Variants in TRPM7 observed in about 807,000 individuals in gnomAD.
TRPM7 encodes the protein LTRPC ion channel family member 7.
Under a neutral mutation model 229.7 loss-of-function variants are expected in TRPM7, and 134 were observed. That is an observed-to-expected ratio of 0.58 (90% CI 0.51 to 0.67). TRPM7 has a LOEUF of 0.67. TRPM7 is among the 30% of genes least tolerant of loss of function. The pLI is 0.00. For synonymous variants in TRPM7, 699 were observed against 715.2 expected (o/e 0.98, Z 0.36); for missense variants, 1,901 against 2,210.0 (o/e 0.86, Z 2.80).
intron 19 of TRPM7, among the ~76,000 whole-genome samples, chr15:50,608,472 G>C (rs905698776): frequency 6.6e-6 from 1 of 152,200 alleles, no homozygotes; most frequent in Non-Finnish European, 1.5e-5. Flanking sequence ...AGAAAGAAAA[G>C]AGAAATTCCT....
rs553888440 is a variant in TRPM7, at chr15:50,639,733, ATT to A, written c.536-187_536-186del. On this transcript the variant is annotated intron_variant, in intron 5 of 38. Transcript: ENST00000646667. ...AGGTGCGTGCTAAGACAGCCGGCTA[ATT>A]TTTTTTTTTTTTTTTTCAGTAGAGA... is the stretch of plus-strand genomic sequence containing the variant. Among the ~76,000 whole-genome samples the A allele has an allele frequency of 2.7e-3, 383 of 140,124 alleles. 2 individuals are homozygous for A. The highest frequency in any genetic ancestry group is 9.5e-3 in the African/African-American group (357 of 37,448). The allele number at this position is 140,124 out of a possible 152,430, so 91.9% of individuals were successfully genotyped here. A position where few individuals can be genotyped will look rare whatever the true frequency, so the allele number is the denominator to read the frequency against.
intron 2 of TRPM7, among the ~76,000 whole-genome samples, chr15:50,658,487 T>C (rs1296321539): frequency 6.6e-6 from 1 of 151,342 alleles, no homozygotes; most frequent in African/African-American, 2.4e-5. Flanking sequence ...GGAGGATTCC[T>C]TGAGCATGGG....
chr15:50,589,262 C>A (rs1343818211), intron 27 of TRPM7, among the ~76,000 whole-genome samples: 3 of 135,328 alleles, frequency 2.2e-5, no homozygotes, highest in Non-Finnish European at 4.5e-5. Flanking sequence ...GTGGAGGTTG[C>A]AGTAAGCGGA....
At chr15:50,657,277 T>C (rs545206250) in intron 3 of TRPM7, among the ~76,000 whole-genome samples, 20 of 152,292 alleles carry the variant, frequency 1.3e-4, no homozygotes, top group Admixed American at 3.3e-4. Context: ...TGAGCCGAGA[T>C]TGTGCCACTG....
intron 1 of TRPM7, among the ~76,000 whole-genome samples, chr15:50,682,511 G>A (rs938757327): frequency 4.0e-5 from 6 of 151,640 alleles, no homozygotes; most frequent in African/African-American, 1.5e-4. Flanking sequence ...AGGAGGCGGA[G>A]GTTGCAGTGA....
chr15:50,594,296 C>T lies in TRPM7; in HGVS notation c.3475+133G>A, dbSNP rs644890. 0.55 allele frequency: 401,355 copies of T among 733,958 alleles called. 110,777 individuals carry two copies. The highest frequency in any genetic ancestry group is 0.62 in the Admixed American group (19,613 of 31,854). The allele number at this position is 733,958 out of a possible 1,614,324, so 45.5% of individuals were successfully genotyped here. ...TTGCACTTAAAAATTCCTTTATGTA[C>T]AGGCATATTTAACAAAAATCTACCA... is the stretch of plus-strand genomic sequence containing the variant. On this transcript the variant is annotated intron_variant, in intron 24 of 38. Transcript: ENST00000646667.
At chr15:50,604,602 C>T (rs1313212822) in intron 21 of TRPM7, 6 of 217,540 alleles carry the variant, frequency 2.8e-5, no homozygotes, top group Non-Finnish European at 4.4e-5. Context: ...AAGCCTGGAT[C>T]AGTGAAGACA....
intron 11 of TRPM7, 57 bp downstream of exon 11, chr15:50,628,092 A>C: frequency 8.0e-7 from 1 of 1,255,768 alleles, no homozygotes; most frequent in Non-Finnish European, 1.1e-6. Flanking sequence ...TCCCGCAAAT[A>C]CTTTTTTATT....
rs558426914 is a variant in TRPM7 at position 50,676,835 on chromosome 15, G to C, written c.3+9696C>G. ...GCTGGAAAGTGATGGGAAAGTTTCCGCAAGAGTTGAGAAAAGGAATCCTAA... is the reference window on the plus strand; with the variant it reads ...GCTGGAAAGTGATGGGAAAGTTTCCCCAAGAGTTGAGAAAAGGAATCCTAA... On this transcript the variant is annotated intron_variant, in intron 1 of 38. Coordinates refer to ENST00000646667, the MANE Select transcript of TRPM7 (RefSeq NM_017672.6). Among the ~76,000 whole-genome samples the C allele has an allele frequency of 5.3e-5, 8 of 152,204 alleles. No homozygotes were observed. In the South Asian group the frequency reaches 1.4e-3, roughly 28 times the overall value.
At chr15:50,679,515 T>TATATATAC (rs1567129208) in intron 1 of TRPM7, among the ~76,000 whole-genome samples, 31 of 49,394 alleles carry the variant, frequency 6.3e-4, no homozygotes, top group African/African-American at 3.5e-3. Flanking sequence ...ATATATAATA[T>TATATATAC]ATATATATAT....
rs141225901 is a variant in TRPM7 at position 50,559,581 on chromosome 15, T to C, written c.*2097A>G. 2,099 of 152,248 alleles carry C rather than the reference T, an allele frequency of 0.014. 47 individuals are homozygous for C. Among genetic ancestry groups the C allele is most frequent in the African/African-American group, 0.049 (2,019 of 41,528 alleles). The allele number at this position is 152,248 out of a possible 1,614,324, so 9.4% of individuals were successfully genotyped here. On this transcript the variant is annotated 3_prime_UTR_variant, in exon 39 of 39. Transcript: ENST00000646667. ...CCAGCCTGGGTTCAAATCCTACCGT[T>C]GCTACTTATTATTAAATAAACGTAA...
intron 20 of TRPM7, 72 bp downstream of exon 20, chr15:50,607,128 C>CCAAAA (rs558960125): frequency 3.4e-6 from 5 of 1,450,174 alleles, no homozygotes; most frequent in African/African-American, 2.8e-5. Flanking sequence ...ACGTATACAC[C>CCAAAA]CAAAACAAAA....
intron 36 of TRPM7, among the ~76,000 whole-genome samples, chr15:50,573,087 T>C (rs939092700): frequency 6.6e-5 from 10 of 152,196 alleles, no homozygotes; most frequent in Admixed American, 5.2e-4. Context: ...TGAAAGTCTT[T>C]TTTCTTTTAT....
At chr15:50,567,588 G>C (rs2053658537) in intron 38 of TRPM7, among the ~76,000 whole-genome samples, 1 of 151,834 alleles carries the variant, frequency 6.6e-6, no homozygotes, top group African/African-American at 2.4e-5. Context: ...ATTGAAAACT[G>C]AATCTAACAA....
chr15:50,661,872 A>G (rs2061733186), intron 2 of TRPM7, among the ~76,000 whole-genome samples: 1 of 152,186 alleles, frequency 6.6e-6, no homozygotes, highest in South Asian at 2.1e-4. Context: ...AGGTTAGGAA[A>G]TAACTATATC....
rs71910502 is a variant in TRPM7 at position 50,623,408 on chromosome 15, C to CAAA, written c.1440+755_1440+757dup. Among the ~76,000 whole-genome samples the CAAA allele has an allele frequency of 2.9e-4, 34 of 119,086 alleles. 1 individual carries two copies. The highest frequency in any genetic ancestry group is 1.1e-3 in the African/African-American group (32 of 28,402). The allele number at this position is 119,086 out of a possible 152,430, so 78.1% of individuals were successfully genotyped here. On this transcript the variant is annotated intron_variant, in intron 12 of 38. Coordinates refer to ENST00000646667, the MANE Select transcript of TRPM7 (RefSeq NM_017672.6). ...GCCTGGTGACAGAGCGAGATTCTGT[C>CAAA]AAAAAAAAAAAAAAGAAAGAAAAAA...
chr15:50,607,282 A>G lies in TRPM7; in HGVS notation c.2627T>C (p.Val876Ala), dbSNP rs1433182221. 1 of 1,606,160 alleles carries G rather than the reference A, an allele frequency of 6.2e-7. No individual in the cohort carries two copies. The highest frequency in any genetic ancestry group is 8.5e-7 in the Non-Finnish European group (1 of 1,175,790). The stretch of plus-strand genomic sequence containing the variant: ...AACTGAAGGTAACTGTTCCATTTGT[A>G]CAAGAACCACAAATGTATAAAGCAT... ...FLMLYTFVVLVQMEQLPSVQE... is the reference protein window; with the variant it reads ...FLMLYTFVVLAQMEQLPSVQE... Residue 876 changes from valine to alanine, a missense_variant, in exon 20 of 39, where the codon GTA (valine) becomes GCA (alanine). Coordinates refer to ENST00000646667, the MANE Select transcript of TRPM7 (RefSeq NM_017672.6).
At chr15:50,577,302 C>T (rs2140285752) in intron 31 of TRPM7, among the ~76,000 whole-genome samples, 1 of 152,244 alleles carries the variant, frequency 6.6e-6, no homozygotes, top group East Asian at 1.9e-4. Flanking sequence ...GTAATCTCAG[C>T]ACTTTGGGAG....
intron 1 of TRPM7, among the ~76,000 whole-genome samples, chr15:50,671,382 G>GA (rs2061984107): frequency 6.6e-6 from 1 of 152,126 alleles, no homozygotes. Context: ...ACAAAAAACA[G>GA]AATTTCCTTC....
Sources: gnomAD v4.1 joint callset for allele counts (sites outside exome capture counted in the v4.1 genomes callset) on GRCh38, gnomAD v4.1.1 for gene constraint, MANE v1.5 for transcripts, NCBI Gene and HGNC (gene_info 2026-07-23, HGNC 2026-07-21) for gene names.